DNM1L: variants seen among roughly 807,000 people sequenced by gnomAD.
DNM1L encodes dynamin-1-like protein.
Under a neutral mutation model 92.8 loss-of-function variants are expected in DNM1L, and 33 were observed. That is an observed-to-expected ratio of 0.36 (90% confidence interval 0.27 to 0.48). The LOEUF (loss-of-function observed/expected upper bound fraction) is 0.48. DNM1L is among the 20% of genes least tolerant of loss of function. The probability of loss-of-function intolerance (pLI) is 0.99; values close to 1 mark genes in which losing one functional copy is unlikely to be tolerated. For synonymous variants in DNM1L, 284 were observed against 305.0 expected (o/e 0.93, Z 0.72); for missense variants, 485 against 888.8 (o/e 0.55, Z 5.78).
chr12:32,718,090 A>G (rs1953622191), intron 6 of DNM1L, among the ~76,000 whole-genome samples: 1 of 136,866 alleles, frequency 7.3e-6, no homozygotes, highest in African/African-American at 2.7e-5. Context: ...CATATTTTAT[A>G]TATATACTAT....
chr12:32,713,074 G>A (rs1246749335), intron 5 of DNM1L, 135 bp from the exon 6 acceptor site: 7 of 793,948 alleles, frequency 8.8e-6, no homozygotes, highest in Non-Finnish European at 7.8e-6. Flanking sequence ...TACCATTGTA[G>A]TATATTAGTA....
At chr12:32,732,708 A>T (rs1343626217) in intron 12 of DNM1L, 1 of 408,902 alleles carries the variant, frequency 2.4e-6, no homozygotes, top group African/African-American at 2.1e-5. Context: ...CCTTCATTTT[A>T]ATAGACCCTT....
chr12:32,707,958 A>G (rs1468170047), intron 3 of DNM1L, among the ~76,000 whole-genome samples, 195 bp from the exon 4 acceptor site: 2 of 151,892 alleles, frequency 1.3e-5, no homozygotes, highest in Admixed American at 1.3e-4. Context: ...CTCAAAGAAA[A>G]AAAAAAAGCC....
intron 1 of DNM1L, among the ~76,000 whole-genome samples, chr12:32,686,901 T>C (rs1952031689): frequency 6.6e-6 from 1 of 151,898 alleles, no homozygotes; most frequent in Non-Finnish European, 1.5e-5. Flanking sequence ...TTGTTGGGGT[T>C]GTCTTATTGT....
intron 2 of DNM1L, chr12:32,705,968 T>G (rs1474315786): frequency 9.1e-7 from 1 of 1,098,046 alleles, no homozygotes; most frequent in Non-Finnish European, 1.3e-6. Flanking sequence ...CCATTTTTAT[T>G]TGCCCATCCA....
At chr12:32,708,100 G>T in intron 3 of DNM1L, 53 bp from the exon 4 acceptor site, 2 of 1,104,756 alleles carry the variant, frequency 1.8e-6, no homozygotes, top group Non-Finnish European at 2.7e-6. Context: ...TCCAGCTTAA[G>T]AACTTTTGAT....
chr12:32,702,233 CAAAAAAAAAAAA>C (rs1179046487), intron 2 of DNM1L, among the ~76,000 whole-genome samples: 1 of 81,344 alleles, frequency 1.2e-5, no homozygotes, highest in Non-Finnish European at 2.5e-5. Flanking sequence ...GACTCCGTCT[CAAAAAAAAAAAA>C]AAAAAAAAAG....
intron 6 of DNM1L, among the ~76,000 whole-genome samples, chr12:32,716,249 G>C (rs894903267): frequency 1.3e-5 from 2 of 150,396 alleles, no homozygotes; most frequent in African/African-American, 5.0e-5. Context: ...TGGTGGGGGG[G>C]GGTGGCAATG....
chr12:32,719,032 G>A (rs990119714), intron 7 of DNM1L, among the ~76,000 whole-genome samples: 3 of 151,622 alleles, frequency 2.0e-5, no homozygotes, highest in African/African-American at 7.3e-5. Flanking sequence ...GCTCATTGTA[G>A]CATCAACCTC....
intron 6 of DNM1L, among the ~76,000 whole-genome samples, chr12:32,716,248 G>GT (rs1555120137): frequency 2.0e-5 from 3 of 151,620 alleles, no homozygotes; most frequent in Non-Finnish European, 4.4e-5. Context: ...TTGGTGGGGG[G>GT]GGGTGGCAAT....
At position 32,713,296 on chromosome 12, in the gene DNM1L, C is replaced by T; in HGVS notation, c.544C>T (p.Leu182Phe). 1 of 1,613,858 alleles carries T rather than the reference C, an allele frequency of 6.2e-7. No homozygotes were observed. Among genetic ancestry groups the T allele is most frequent in the Non-Finnish European group, 8.5e-7 (1 of 1,179,924 alleles). Residue 182 changes from leucine (L) to phenylalanine (F), a missense_variant, in exon 6 of 20, where the codon CTC (leucine) becomes TTC (phenylalanine). Physicochemically the swap from Leu to Phe is conservative, Grantham distance 22. Transcript: ENST00000549701. ...RFISNPNSIILAVTAANTDMA... is the reference protein window; with the variant it reads ...RFISNPNSIIFAVTAANTDMA... ...CATCAGTAATCCTAATTCCATTATCCTCGCTGTCACTGCTGCTAATACAGA... is the reference window on the plus strand; with the variant it reads ...CATCAGTAATCCTAATTCCATTATCTTCGCTGTCACTGCTGCTAATACAGA...
In DNM1L at chr12:32,708,216, A is replaced by G. The variant is rs1232557020; in HGVS notation, c.361A>G (p.Asn121Asp). Reference protein sequence around the residue: ...IENETERISGNNKGVSPEPIH... With the variant: ...IENETERISGDNKGVSPEPIH... ...AAATGAAACAGAAAGAATTTCAGGAAATAATAAGGTAGGCATCTTTTTAGA... is the reference window on the plus strand; with the variant it reads ...AAATGAAACAGAAAGAATTTCAGGAGATAATAAGGTAGGCATCTTTTTAGA... The change falls in exon 4 of 20, where the codon AAT (asparagine) becomes GAT (aspartate). Residue 121 changes from asparagine to aspartate, a missense_variant. By Grantham distance (23) the Asn-to-Asp change is conservative. Transcript: ENST00000549701. The G allele has an allele frequency of 1.3e-6, 2 of 1,591,916 alleles. No individual in the cohort carries two copies. The highest frequency in any genetic ancestry group is 4.5e-5 in the East Asian group (2 of 44,632).
chr12:32,683,598 G>A (rs945275245), intron 1 of DNM1L, among the ~76,000 whole-genome samples: 1 of 152,018 alleles, frequency 6.6e-6, no homozygotes. Flanking sequence ...AGGCTGGAGT[G>A]CAGTGGTGCG....
chr12:32,692,276 T>C (rs1052664925), intron 1 of DNM1L, among the ~76,000 whole-genome samples: 5 of 152,188 alleles, frequency 3.3e-5, no homozygotes, highest in African/African-American at 1.2e-4. Flanking sequence ...CCTGCTGGGA[T>C]CTCAGGAATA....
At chr12:32,707,254 A>G in intron 2 of DNM1L, 113 bp from the exon 3 acceptor site, 2 of 798,154 alleles carry the variant, frequency 2.5e-6, no homozygotes, top group South Asian at 3.5e-5. Flanking sequence ...CTTGTACTTA[A>G]TGGCAAAATT....
chr12:32,722,673 T>G (rs1287646495), intron 9 of DNM1L, 40 bp downstream of exon 9: 3 of 1,477,722 alleles, frequency 2.0e-6, no homozygotes, highest in Middle Eastern at 2.4e-4. Context: ...TTACCTAGAT[T>G]GCTAGGTCAC....
At position 32,731,815 on chromosome 12, in the gene DNM1L, A is replaced by G. The variant is rs375690319; in HGVS notation, c.1357-39A>G. On this transcript the variant is annotated intron_variant, in intron 11 of 19. Coordinates refer to ENST00000549701, the MANE Select transcript of DNM1L (RefSeq NM_012062.5). The surrounding 1 kb of genome is among the most constrained non-coding windows in gnomAD (Gnocchi z 5.1). ...TGAGACTATGACTTAAAAAAAAAAC[A>G]AAAAACAAACACGTTTTTCTTTCAT... The G allele has an allele frequency of 1.7e-5, 26 of 1,567,996 alleles. No homozygotes were observed. Among genetic ancestry groups the G allele is most frequent in the Non-Finnish European group, 2.2e-5 (25 of 1,139,086 alleles).
chr12:32,740,470 G>T lies in DNM1L; in HGVS notation c.1946G>T (p.Arg649Leu). 1 of 1,613,968 alleles carries T rather than the reference G, an allele frequency of 6.2e-7. No homozygotes were observed. Among genetic ancestry groups the T allele is most frequent in the South Asian group, 1.1e-5 (1 of 91,032 alleles). Residue 649 changes from arginine (R) to leucine (L), a missense_variant, in exon 18 of 20, where the codon CGA becomes CTA. By Grantham distance (102) the Arg-to-Leu change is moderately radical. This residue lies in a region of DNM1L where 133 missense variants were observed against 210.9 expected (regional missense o/e 0.63). Transcript: ENST00000549701. ...REQRDCEVIERLIKSYFLIVR... is the reference protein window; with the variant it reads ...REQRDCEVIELLIKSYFLIVR... Reference sequence around the variant, plus strand: ...CAGCGAGATTGTGAGGTTATTGAACGACTCATTAAATCATATTTTCTCATT... The same window carrying T: ...CAGCGAGATTGTGAGGTTATTGAACTACTCATTAAATCATATTTTCTCATT...
At chr12:32,702,306 A>G (rs1251487594) in intron 2 of DNM1L, among the ~76,000 whole-genome samples, 1 of 151,848 alleles carries the variant, frequency 6.6e-6, no homozygotes, top group African/African-American at 2.4e-5. Context: ...TTAAATTGAA[A>G]ATATATTAGG....
Sources: gnomAD v4.1 joint callset for allele counts (sites outside exome capture counted in the v4.1 genomes callset) on GRCh38, gnomAD v4.1.1 for gene constraint, gnomAD v4.1.1 regional missense constraint, Gnocchi (gnomAD v3.1) non-coding constraint, MANE v1.5 for transcripts, NCBI Gene and HGNC (gene_info 2026-07-23, HGNC 2026-07-21) for gene names.